RAPGEF3: variants seen among roughly 807,000 people sequenced by gnomAD.
RAPGEF3 encodes 9330170P05Rik.
RAPGEF3 carries 103 observed loss-of-function variants against 129.8 expected under a neutral mutation model. The ratio of observed to expected loss-of-function variants is 0.79; its 90% CI spans 0.68 to 0.93. The LOEUF is 0.93. Among genes scored for constraint, RAPGEF3 ranks in the 40% least tolerant of loss-of-function variants. RAPGEF3 has a pLI of 0.00. For missense variants in RAPGEF3, 1,117 were observed against 1,207.4 expected, an observed-to-expected ratio of 0.93 and a Z score of 1.11; for synonymous variants, 436 against 482.6, an observed-to-expected ratio of 0.90 and a Z score of 1.26.
Position 47,751,455 on chromosome 12 carries a change from C to A in RAPGEF3, c.446G>T (p.Arg149Leu). Residue 149 changes from arginine (R) to leucine (L), a missense_variant, in exon 5 of 28, where the codon CGG becomes CTG. Physicochemically the swap from Arg to Leu is moderately radical, Grantham distance 102. Around this residue, in one of 3 missense-constraint regions of RAPGEF3, gnomAD observed 367 missense variants for 373.4 expected, o/e 0.98. Transcript: ENST00000449771. ...CTGGCAGATTCCCACAACTTGGCTC[C>A]GGGAATGGACCCCAAGTCCCAGGGC... ...ILALGLGVHSRSQVVGICQVL... is the reference protein window; with the variant it reads ...ILALGLGVHSLSQVVGICQVL... 6.2e-7 allele frequency: 1 copy of A among 1,614,170 alleles called. No individual in the cohort carries two copies. The highest frequency in any genetic ancestry group is 8.5e-7 in the Non-Finnish European group (1 of 1,180,016).
intron 2 of RAPGEF3, among the ~76,000 whole-genome samples, chr12:47,753,263 C>T (rs923349353): frequency 3.3e-5 from 5 of 152,204 alleles, no homozygotes; most frequent in African/African-American, 1.2e-4. Flanking sequence ...GACAGCCAGA[C>T]AGCTGTGGAG....
chr12:47,749,675 A>G lies in RAPGEF3; in HGVS notation c.894+66T>C, dbSNP rs1460128862. On this transcript the variant is annotated intron_variant, in intron 9 of 27. Transcript: ENST00000449771. This position sits in a 1 kb window ranked among gnomAD's most constrained non-coding sequence, Gnocchi z 4.5. ...CAGTAGATCAACAAAGGCACTGCCC[A>G]TGAGGACATGGACCAGGGAGCAGTT... 8.7e-6 allele frequency: 14 copies of G among 1,603,678 alleles called. No homozygotes were observed. Among genetic ancestry groups the G allele is most frequent in the South Asian group, 1.1e-5 (1 of 90,530 alleles).
At chr12:47,758,505 C>G in intron 1 of RAPGEF3, 46 bp downstream of exon 1, 1 of 1,604,890 alleles carries the variant, frequency 6.2e-7, no homozygotes, top group Non-Finnish European at 8.5e-7. Context: ...AGCTTCCTCT[C>G]CCGCCCTCTC....
At position 47,735,506 on chromosome 12, in the gene RAPGEF3, G is replaced by C. The variant is rs1940770448; in HGVS notation, c.*2061C>G. ...TAGCTCCCAGAGTCTGTGTCCTCTT[G>C]CCTGCCCTGGGCACCATTCTCCTGG... On this transcript the variant is annotated 3_prime_UTR_variant, in exon 28 of 28. Coordinates refer to ENST00000449771, the MANE Select transcript of RAPGEF3 (RefSeq NM_001098531.4). 6.6e-6 allele frequency: 1 copy of C among 152,248 alleles called. No homozygotes were observed. Among genetic ancestry groups the C allele is most frequent in the Non-Finnish European group, 1.5e-5 (1 of 68,110 alleles). The allele number at this position is 152,248 out of a possible 1,614,324, so 9.4% of individuals were successfully genotyped here.
intron 4 of RAPGEF3, 97 bp from the exon 5 acceptor site, chr12:47,751,617 G>A (rs917414314): frequency 8.8e-6 from 14 of 1,598,830 alleles, no homozygotes; most frequent in Non-Finnish European, 1.1e-5. Context: ...CCCAAGCCTG[G>A]TTCGTCCCTG....
intron 2 of RAPGEF3, among the ~76,000 whole-genome samples, chr12:47,757,413 C>A (rs184036544): frequency 9.2e-5 from 14 of 152,236 alleles, no homozygotes; most frequent in African/African-American, 2.2e-4. Flanking sequence ...TCACCTCACC[C>A]TAAGACCAAA....
intron 23 of RAPGEF3, chr12:47,739,703 C>G: frequency 2.7e-6 from 1 of 364,720 alleles, no homozygotes; most frequent in Non-Finnish European, 5.2e-6. Flanking sequence ...ACCCCCAACT[C>G]TATCCTCGCC....
intron 6 of RAPGEF3, 60 bp from the exon 7 acceptor site, chr12:47,750,485 G>A: frequency 6.8e-7 from 1 of 1,468,244 alleles, no homozygotes; most frequent in African/African-American, 1.4e-5. Context: ...GGTGCAGGGA[G>A]CCACTCCACC....
Position 47,737,268 on chromosome 12 carries a change from C to A in RAPGEF3, c.*299G>T. 2.6e-6 allele frequency: 1 copy of A among 391,188 alleles called. No homozygotes were observed. Among genetic ancestry groups the A allele is most frequent in the South Asian group, 2.7e-5 (1 of 36,636 alleles). 24.2% of individuals were successfully genotyped at this position (391,188 alleles called of 1,614,324 possible). A position where few individuals can be genotyped will look rare whatever the true frequency, so the allele number is the denominator to read the frequency against. ...TCTGGAAGACATCTGGTGTGGAGAC[C>A]TCTCTATTGCACACAACGTCCCAGC... On this transcript the variant is annotated 3_prime_UTR_variant, in exon 28 of 28. Coordinates refer to ENST00000449771, the MANE Select transcript of RAPGEF3 (RefSeq NM_001098531.4).
Position 47,737,339 on chromosome 12 carries a change from C to T in RAPGEF3, c.*228G>A. 1.8e-6 allele frequency: 1 copy of T among 555,472 alleles called. No individual in the cohort carries two copies. Among genetic ancestry groups the T allele is most frequent in the East Asian group, 3.1e-5 (1 of 32,158 alleles). The allele number at this position is 555,472 out of a possible 1,614,324, so 34.4% of individuals were successfully genotyped here. ...TCCTGGGGCCTCTCTGTCCTCCCTTCCTTGGCCTTGGGTCATTCGTTATTC... is the reference window on the plus strand; with the variant it reads ...TCCTGGGGCCTCTCTGTCCTCCCTTTCTTGGCCTTGGGTCATTCGTTATTC... On this transcript the variant is annotated 3_prime_UTR_variant, in exon 28 of 28. Coordinates refer to ENST00000449771, the MANE Select transcript of RAPGEF3 (RefSeq NM_001098531.4).
intron 23 of RAPGEF3, 157 bp from the exon 24 acceptor site, chr12:47,739,387 G>A: frequency 1.4e-6 from 1 of 719,400 alleles, no homozygotes; most frequent in Admixed American, 2.0e-5. Context: ...TCTGTCACAG[G>A]CGAACACGGG....
At chr12:47,758,198 G>A in intron 1 of RAPGEF3, 120 bp from the exon 2 acceptor site, 1 of 1,441,430 alleles carries the variant, frequency 6.9e-7, no homozygotes, top group Non-Finnish European at 9.1e-7. Flanking sequence ...AGGCGGAGGT[G>A]CTGCAACCCT....
chr12:47,758,759 A>T lies in RAPGEF3; in HGVS notation c.-203T>A. 5.2e-5 allele frequency: 58 copies of T among 1,117,600 alleles called. No individual in the cohort carries two copies. Among genetic ancestry groups the T allele is most frequent in the Middle Eastern group, 3.8e-4 (1 of 2,624 alleles). The allele number at this position is 1,117,600 out of a possible 1,614,324, so 69.2% of individuals were successfully genotyped here. A position where few individuals can be genotyped will look rare whatever the true frequency, so the allele number is the denominator to read the frequency against. On this transcript the variant is annotated 5_prime_UTR_variant, in exon 1 of 28. Coordinates refer to ENST00000449771, the MANE Select transcript of RAPGEF3 (RefSeq NM_001098531.4). ...GTGGAGAGGCTCCTCTTGGGTGAGT[A>T]GAGGGGTGGGGGCGTGGTGGGGGGA...
chr12:47,744,130 G>A, intron 16 of RAPGEF3, 62 bp from the exon 17 acceptor site: 2 of 1,358,810 alleles, frequency 1.5e-6, no homozygotes, highest in Non-Finnish European at 2.1e-6. Context: ...CGTGGAGGGA[G>A]GGATTGTGAG....
intron 23 of RAPGEF3, chr12:47,739,591 A>G (rs1941018302): frequency 4.4e-6 from 2 of 458,400 alleles, no homozygotes; most frequent in African/African-American, 4.0e-5. Flanking sequence ...ATTTTCTCTC[A>G]AGAGCTCCCA....
Position 47,750,386 on chromosome 12 carries a change from A to T in RAPGEF3, c.711T>A (p.Phe237Leu). The change falls in exon 7 of 28, where the codon TTT becomes TTA. Residue 237 changes from phenylalanine (F) to leucine (L), a missense_variant. By Grantham distance (22) the Phe-to-Leu change is conservative. Coordinates refer to ENST00000449771, the MANE Select transcript of RAPGEF3 (RefSeq NM_001098531.4). The stretch of plus-strand genomic sequence containing the variant: ...CAGCCTTGATGTGCAGCAGCTCCTC[A>T]AAGATGAGGTCCAGCTCTTCATCCG... ...QRTDEELDLI[F>L]EELLHIKAVA... is the part of the protein sequence containing the mutation. 1 of 1,614,040 alleles carries T rather than the reference A, an allele frequency of 6.2e-7. No individual in the cohort carries two copies. The highest frequency in any genetic ancestry group is 8.5e-7 in the Non-Finnish European group (1 of 1,179,926).
At position 47,744,239 on chromosome 12, in the gene RAPGEF3, C is replaced by A. The variant is rs7308032; in HGVS notation, c.1597-171G>T. Reference sequence around the variant, plus strand: ...CTGAGCTCAGGTAAGGCACCTGGGACCAAGGATCCAGGAGAAGACACAACA... The same window carrying A: ...CTGAGCTCAGGTAAGGCACCTGGGAACAAGGATCCAGGAGAAGACACAACA... On this transcript the variant is annotated intron_variant, in intron 16 of 27. Transcript: ENST00000449771. The A allele has an allele frequency of 0.011, 6,683 of 616,942 alleles. 316 individuals are homozygous for A. In the African/African-American group the frequency reaches 0.11, roughly 10 times the overall value. 38.2% of individuals were successfully genotyped at this position (616,942 alleles called of 1,614,324 possible).
In RAPGEF3 at chr12:47,752,347, G is replaced by A. The variant is rs569193947; in HGVS notation, c.220-378C>T. On this transcript the variant is annotated intron_variant, in intron 2 of 27. Coordinates refer to ENST00000449771, the MANE Select transcript of RAPGEF3 (RefSeq NM_001098531.4). The stretch of plus-strand genomic sequence containing the variant: ...ATGAGATAAGAAGACCTGGGAGATG[G>A]GAGCCAGGATGTGAGCAGCTCAGGA... 2.0e-4 allele frequency among the ~76,000 whole-genome samples: 30 copies of A among 152,328 alleles called. No homozygotes were observed. The South Asian group carries it at 5.8e-3, about 29-fold the overall frequency.
chr12:47,748,782 G>C (rs1298351308), intron 11 of RAPGEF3, 37 bp downstream of exon 11: 1 of 1,418,982 alleles, frequency 7.0e-7, no homozygotes, highest in Non-Finnish European at 1.0e-6. Context: ...AATGAAAGGA[G>C]GGACAGTGTG....
Sources: allele counts gnomAD v4.1 joint callset (sites outside exome capture counted in the v4.1 genomes callset), GRCh38; gene constraint gnomAD v4.1.1; regional missense constraint gnomAD v4.1.1; non-coding constraint Gnocchi (gnomAD v3.1); transcripts MANE v1.5; gene names NCBI Gene and HGNC (gene_info 2026-07-23, HGNC 2026-07-21).